Variants in FHOD3 observed in about 807,000 individuals in gnomAD.
FHOD3 encodes FH1/FH2 domain-containing protein 3.
A neutral mutation model predicts 173.0 loss-of-function variants in FHOD3; 90 were observed. The observed-to-expected ratio is 0.52, with a 90% CI of 0.44 to 0.62. The LOEUF (loss-of-function observed/expected upper bound fraction) is 0.62. FHOD3 is among the 20% of genes least tolerant of loss of function. The pLI, the probability that FHOD3 is intolerant of heterozygous loss-of-function variation, is 0.00. For synonymous variants in FHOD3, 828 were observed against 823.0 expected, an observed-to-expected ratio of 1.01 and a Z score of -0.10; for missense variants, 1,945 against 2,034.7, an observed-to-expected ratio of 0.96 and a Z score of 0.85.
At chr18:36,569,724 A>G (rs1425877356) in intron 5 of FHOD3, among the ~76,000 whole-genome samples, 1 of 152,188 alleles carries the variant, frequency 6.6e-6, no homozygotes, top group Non-Finnish European at 1.5e-5. Context: ...TAATTGAAAT[A>G]CTGTAATTTC....
intron 22 of FHOD3, among the ~76,000 whole-genome samples, chr18:36,743,180 G>A (rs538365006): frequency 2.2e-4 from 34 of 152,078 alleles, no homozygotes; most frequent in African/African-American, 7.0e-4. Context: ...ATGGCAGCAC[G>A]CACCTGTAGT....
At chr18:36,631,219 G>A (rs2034488688) in intron 10 of FHOD3, among the ~76,000 whole-genome samples, 1 of 152,182 alleles carries the variant, frequency 6.6e-6, no homozygotes, top group African/African-American at 2.4e-5. Flanking sequence ...CTCCTAAGGA[G>A]TGGGAAGCAC....
chr18:36,315,510 T>C (rs945016409), intron 1 of FHOD3, among the ~76,000 whole-genome samples: 2 of 151,510 alleles, frequency 1.3e-5, no homozygotes, highest in Non-Finnish European at 2.9e-5. Context: ...TGGATGAAAC[T>C]GGGGGGCTCC....
chr18:36,524,731 T>C (rs1280226691), intron 5 of FHOD3, among the ~76,000 whole-genome samples: 1 of 152,196 alleles, frequency 6.6e-6, no homozygotes, highest in African/African-American at 2.4e-5. Flanking sequence ...GAGGATTGAA[T>C]AAACATCGAT....
chr18:36,495,036 G>A (rs754960689), intron 3 of FHOD3, among the ~76,000 whole-genome samples: 25 of 152,026 alleles, frequency 1.6e-4, no homozygotes, highest in Non-Finnish European at 3.2e-4. Flanking sequence ...TTGACCTCCT[G>A]GGTTCAAGCA....
At chr18:36,450,487 A>ATTTTATTTT (rs1555710146) in intron 3 of FHOD3, among the ~76,000 whole-genome samples, 9 of 149,740 alleles carry the variant, frequency 6.0e-5, no homozygotes, top group African/African-American at 2.0e-4. Flanking sequence ...TTATTTATTT[A>ATTTTATTTT]ATTTTTAAAG....
At chr18:36,319,245 C>G (rs2044278415) in intron 1 of FHOD3, among the ~76,000 whole-genome samples, 1 of 152,010 alleles carries the variant, frequency 6.6e-6, no homozygotes, top group African/African-American at 2.4e-5. Context: ...TGAAAAGACA[C>G]ACATAGGCTC....
intron 5 of FHOD3, among the ~76,000 whole-genome samples, chr18:36,556,133 TTTGA>T (rs999115829): frequency 2.0e-5 from 3 of 152,184 alleles, no homozygotes; most frequent in African/African-American, 7.2e-5. Context: ...TCTGCCTTTT[TTTGA>T]TTATTTATTT....
intron 5 of FHOD3, among the ~76,000 whole-genome samples, chr18:36,543,165 A>C (rs1349766710): frequency 2.0e-5 from 3 of 152,198 alleles, no homozygotes; most frequent in Non-Finnish European, 4.4e-5. Context: ...CTGGATCTTC[A>C]GCCTGCCAGC....
rs186662165 is a variant in FHOD3 at position 36,335,238 on chromosome 18, G to A, written c.166-20301G>A. On this transcript the variant is annotated intron_variant, in intron 1 of 28. Transcript: ENST00000590592. ...TGGCCGGGCGCGGTGGCTCACGCCT[G>A]TAATCCCAGCACTTTGGGAGGCCGA... Among the ~76,000 whole-genome samples, 840 of 152,302 alleles carry A rather than the reference G, an allele frequency of 5.5e-3. 3 individuals are homozygous for A. Among genetic ancestry groups the A allele is most frequent in the Non-Finnish European group, 9.8e-3 (665 of 68,018 alleles).
intron 28 of FHOD3, among the ~76,000 whole-genome samples, chr18:36,775,125 A>G (rs1182030875): frequency 6.6e-6 from 1 of 152,230 alleles, no homozygotes; most frequent in Non-Finnish European, 1.5e-5. Flanking sequence ...CATTTAAGGC[A>G]TCTTGAAGTT....
chr18:36,300,110 A>G (rs988941530), intron 1 of FHOD3, among the ~76,000 whole-genome samples: 6 of 152,166 alleles, frequency 3.9e-5, no homozygotes, highest in Admixed American at 3.9e-4. Flanking sequence ...CTTTCATACT[A>G]CACAGCTCCA....
At chr18:36,358,049 A>G (rs1435136419) in intron 2 of FHOD3, among the ~76,000 whole-genome samples, 1 of 152,218 alleles carries the variant, frequency 6.6e-6, no homozygotes, top group Non-Finnish European at 1.5e-5. Flanking sequence ...TAATTATCAT[A>G]CTAGTCATGT....
intron 6 of FHOD3, among the ~76,000 whole-genome samples, chr18:36,585,160 G>C (rs2058985716): frequency 6.6e-6 from 1 of 152,150 alleles, no homozygotes; most frequent in Non-Finnish European, 1.5e-5. Flanking sequence ...GCTGTGCTGT[G>C]TTTAAAGAGC....
intron 9 of FHOD3, among the ~76,000 whole-genome samples, chr18:36,619,555 G>A (rs975431424): frequency 6.6e-6 from 1 of 152,158 alleles, no homozygotes; most frequent in African/African-American, 2.4e-5. Context: ...CTTAGCTCTG[G>A]CCCTCATCGT....
At chr18:36,745,848 C>G (rs187205727) in intron 23 of FHOD3, among the ~76,000 whole-genome samples, 79 of 151,424 alleles carry the variant, frequency 5.2e-4, no homozygotes, top group Non-Finnish European at 8.5e-4. Flanking sequence ...ATCCCCGCCA[C>G]ACCCTCCACG....
At chr18:36,439,003 G>A (rs2050973193) in intron 3 of FHOD3, among the ~76,000 whole-genome samples, 1 of 152,154 alleles carries the variant, frequency 6.6e-6, no homozygotes, top group Admixed American at 6.6e-5. Context: ...ATTTAGGAAG[G>A]CAACAAAACA....
At chr18:36,753,114 C>T (rs1041413783) in intron 24 of FHOD3, among the ~76,000 whole-genome samples, 4 of 152,058 alleles carry the variant, frequency 2.6e-5, no homozygotes, top group African/African-American at 9.7e-5. Context: ...GCCATCCATG[C>T]AGCTGTCAGT....
intron 22 of FHOD3, among the ~76,000 whole-genome samples, chr18:36,743,475 A>C (rs749226922): frequency 1.3e-5 from 2 of 151,968 alleles, no homozygotes; most frequent in Non-Finnish European, 2.9e-5. Flanking sequence ...TTTTTTTCTG[A>C]GCTTATCACT....
Sources: allele counts gnomAD v4.1 joint callset (sites outside exome capture counted in the v4.1 genomes callset), GRCh38; gene constraint gnomAD v4.1.1; transcripts MANE v1.5; gene names NCBI Gene and HGNC (gene_info 2026-07-23, HGNC 2026-07-21).